CATSPERE: variants seen among roughly 807,000 people sequenced by gnomAD.
The protein encoded by CATSPERE is catsper channel auxiliary subunit epsilon.
In CATSPERE, 93 loss-of-function variants were observed where a neutral mutation model predicts 114.1. The observed-to-expected ratio is 0.81, with a 90% CI of 0.69 to 0.97. CATSPERE has a LOEUF of 0.97. Among genes scored for constraint, CATSPERE ranks in the 50% least tolerant of loss-of-function variants. The pLI, the probability that CATSPERE is intolerant of heterozygous loss-of-function variation, is 0.00. For missense variants in CATSPERE, 1,058 were observed against 1,131.6 expected (o/e 0.93, Z 0.93); for synonymous variants, 341 against 384.1 (o/e 0.89, Z 1.31).
chr1:244,563,479 T>C (rs1662910894), intron 10 of CATSPERE, among the ~76,000 whole-genome samples: 1 of 152,246 alleles, frequency 6.6e-6, no homozygotes, highest in Non-Finnish European at 1.5e-5. Context: ...AGACGGTATG[T>C]CATTGTGGTT....
chr1:244,505,672 C>T (rs1470173651), intron 7 of CATSPERE, among the ~76,000 whole-genome samples: 1 of 152,098 alleles, frequency 6.6e-6, no homozygotes, highest in Non-Finnish European at 1.5e-5. Flanking sequence ...TTAGTCAGCT[C>T]AGGTGATCCT....
Position 244,640,040 on chromosome 1 carries a change from G to A in CATSPERE, c.2815G>A (p.Glu939Lys). The A allele has an allele frequency of 6.5e-7, 1 of 1,549,880 alleles. No individual in the cohort carries two copies. ...GAGGATTTATAGACGATATATTTAT[G>A]AACCACTTCACAAACCTCAAAGAAA... is the stretch of plus-strand genomic sequence containing the variant. ...YMRIYRRYIY[E>K]PLHKPQRKRK... The change falls in exon 22 of 22, where the codon GAA becomes AAA. Residue 939 changes from glutamate to lysine, a missense_variant. Physicochemically the swap from Glu to Lys is moderately conservative, Grantham distance 56. Around this residue, in one of 2 missense-constraint regions of CATSPERE, gnomAD observed 787 missense variants for 905.6 expected, o/e 0.87. Coordinates refer to ENST00000366534, the MANE Select transcript of CATSPERE (RefSeq NM_001130957.2).
chr1:244,576,045 T>G lies in CATSPERE; in HGVS notation c.1950+3273T>G, dbSNP rs150334704. 2.3e-3 allele frequency among the ~76,000 whole-genome samples: 343 copies of G among 152,248 alleles called. 2 individuals are homozygous for G. Among genetic ancestry groups the G allele is most frequent in the African/African-American group, 7.9e-3 (328 of 41,560 alleles). ...AGGAATGTTTTACCACCCTGCGGCT[T>G]TCTTTCCTTAGTCCTGACCACCAAG... On this transcript the variant is annotated intron_variant, in intron 11 of 21. Coordinates refer to ENST00000366534, the MANE Select transcript of CATSPERE (RefSeq NM_001130957.2).
intron 2 of CATSPERE, among the ~76,000 whole-genome samples, chr1:244,466,034 A>G (rs781736994): frequency 2.6e-5 from 4 of 152,236 alleles, no homozygotes; most frequent in Non-Finnish European, 5.9e-5. Flanking sequence ...AATAGTCGCT[A>G]TAAGTGATAC....
chr1:244,472,748 A>G (rs559929302), intron 2 of CATSPERE, among the ~76,000 whole-genome samples: 1 of 152,274 alleles, frequency 6.6e-6, no homozygotes, highest in Admixed American at 6.5e-5. Context: ...GAATAGTTTC[A>G]CTGCCCTAAA....
intron 6 of CATSPERE, 115 bp downstream of exon 6, chr1:244,490,586 T>C (rs1057152296): frequency 7.3e-5 from 50 of 686,502 alleles, no homozygotes; most frequent in Non-Finnish European, 4.0e-5. Flanking sequence ...GCAATGATAT[T>C]TGCTTAGAGT....
intron 13 of CATSPERE, 113 bp from the exon 14 acceptor site, chr1:244,588,369 T>G (rs1337449217): frequency 3.8e-6 from 3 of 786,686 alleles, no homozygotes; most frequent in Non-Finnish European, 6.6e-6. Context: ...AAGAGAACCC[T>G]ACATTTTACA....
At chr1:244,628,882 T>C (rs1673537189) in intron 20 of CATSPERE, among the ~76,000 whole-genome samples, 1 of 152,172 alleles carries the variant, frequency 6.6e-6, no homozygotes, top group South Asian at 2.1e-4. Flanking sequence ...GCTATTCACG[T>C]GCTTATTTGT....
intron 6 of CATSPERE, among the ~76,000 whole-genome samples, chr1:244,490,773 A>G (rs898145431): frequency 1.3e-5 from 2 of 151,968 alleles, no homozygotes; most frequent in Non-Finnish European, 2.9e-5. Flanking sequence ...CAAATATTAA[A>G]GATAGTTTTT....
At chr1:244,626,249 G>A (rs1442894643) in intron 20 of CATSPERE, among the ~76,000 whole-genome samples, 2 of 152,060 alleles carry the variant, frequency 1.3e-5, no homozygotes, top group African/African-American at 4.8e-5. Context: ...CACTTTGGGA[G>A]GCCAAGGTGG....
At chr1:244,617,506 T>C in intron 19 of CATSPERE, 23 bp from the exon 20 acceptor site, 1 of 1,472,784 alleles carries the variant, frequency 6.8e-7, no homozygotes, top group South Asian at 1.4e-5. Flanking sequence ...ACCTTAAAAT[T>C]TTTGTCTTTG....
chr1:244,615,948 C>T (rs1207749257), intron 19 of CATSPERE, among the ~76,000 whole-genome samples: 1 of 82,850 alleles, frequency 1.2e-5, no homozygotes, highest in Non-Finnish European at 2.4e-5. Flanking sequence ...ACCCCCATCT[C>T]CTAAAAAAAA....
chr1:244,530,091 T>C (rs3005935), intron 8 of CATSPERE, among the ~76,000 whole-genome samples: 19,533 of 151,968 alleles, frequency 0.13, 2,171 homozygotes, highest in African/African-American at 0.3. Context: ...GGATTACAAG[T>C]GTGTGCCCAC....
chr1:244,506,138 A>G (rs970911757), intron 7 of CATSPERE, among the ~76,000 whole-genome samples: 6 of 152,338 alleles, frequency 3.9e-5, no homozygotes, highest in African/African-American at 1.4e-4. Flanking sequence ...GAATCATACA[A>G]TATTTTTGAC....
intron 17 of CATSPERE, among the ~76,000 whole-genome samples, chr1:244,604,241 C>T (rs927335474): frequency 9.9e-5 from 15 of 152,228 alleles, no homozygotes; most frequent in Non-Finnish European, 2.2e-4. Flanking sequence ...AGCCAAACAC[C>T]AATCCTCCAA....
intron 8 of CATSPERE, among the ~76,000 whole-genome samples, chr1:244,535,147 A>C (rs2148434096): frequency 6.6e-6 from 1 of 152,240 alleles, no homozygotes; most frequent in African/African-American, 2.4e-5. Flanking sequence ...AGCTGCCTGG[A>C]GCTGGGGGAG....
intron 2 of CATSPERE, among the ~76,000 whole-genome samples, chr1:244,475,786 C>T (rs1469611363): frequency 6.6e-6 from 1 of 151,170 alleles, no homozygotes; most frequent in Non-Finnish European, 1.5e-5. Flanking sequence ...CTGCCTGCCT[C>T]AGCCTCCCAA....
chr1:244,586,345 G>A (rs181898151), intron 13 of CATSPERE, among the ~76,000 whole-genome samples: 2 of 152,312 alleles, frequency 1.3e-5, no homozygotes, highest in South Asian at 2.1e-4. Flanking sequence ...CATTGCAAAT[G>A]AGATCATCAA....
chr1:244,486,399 C>T (rs57882997), intron 5 of CATSPERE, among the ~76,000 whole-genome samples: 14,728 of 143,734 alleles, frequency 0.1, 945 homozygotes, highest in East Asian at 0.27. Flanking sequence ...TACAGACCCT[C>T]GTAGTCACGT....
Sources: allele counts gnomAD v4.1 joint callset (sites outside exome capture counted in the v4.1 genomes callset), GRCh38; gene constraint gnomAD v4.1.1; regional missense constraint gnomAD v4.1.1; transcripts MANE v1.5; gene names NCBI Gene and HGNC (gene_info 2026-07-23, HGNC 2026-07-21).